The following RTN3 variants were observed in gnomAD, a reference collection of about 807,000 sequenced individuals.
RTN3 encodes reticulon-3.
In RTN3, 49 loss-of-function variants were observed where a neutral mutation model predicts 77.8. The observed-to-expected ratio is 0.63, with a 90% CI of 0.50 to 0.80. The LOEUF (loss-of-function observed/expected upper bound fraction) is 0.80, where lower values mean the gene tolerates loss of function less well. RTN3 is among the 30% of genes least tolerant of loss of function. RTN3 has a pLI of 0.00. For synonymous variants in RTN3, 464 were observed against 446.9 expected, an observed-to-expected ratio of 1.04 and a Z score of -0.48; for missense variants, 1,236 against 1,211.9, an observed-to-expected ratio of 1.02 and a Z score of -0.29.
intron 2 of RTN3, among the ~76,000 whole-genome samples, chr11:63,711,520 G>A (rs1054917057): frequency 2.0e-5 from 3 of 151,712 alleles, no homozygotes; most frequent in Non-Finnish European, 4.4e-5. Flanking sequence ...TTCCTGAGTA[G>A]CTGGAACCAC....
chr11:63,735,798 G>A (rs1216605007), intron 3 of RTN3, among the ~76,000 whole-genome samples: 4 of 152,030 alleles, frequency 2.6e-5, no homozygotes, highest in Non-Finnish European at 5.9e-5. Context: ...CCAAAGTGTT[G>A]GGATTACCAG....
intron 3 of RTN3, among the ~76,000 whole-genome samples, chr11:63,735,286 C>G (rs376748180): frequency 1.3e-5 from 2 of 151,938 alleles, no homozygotes; most frequent in Non-Finnish European, 2.9e-5. Flanking sequence ...CCACAATGCC[C>G]GACCTAGAAA....
Position 63,716,993 on chromosome 11 carries a change from A to AAG in RTN3, c.200-1708_200-1707insGA, listed in dbSNP as rs1447698691. Reference sequence around the variant, plus strand: ...CAAAAAAAAAACAAAAAAAAAAAAAAAAGAAAAGAAAGTTTAAAAATTAGC... The same window carrying AAG: ...CAAAAAAAAAACAAAAAAAAAAAAAAAGAAGAAAAGAAAGTTTAAAAATTAGC... On this transcript the variant is annotated intron_variant, in intron 2 of 8. Transcript: ENST00000377819. Among the ~76,000 whole-genome samples, 2 of 149,586 alleles carry AAG rather than the reference A, an allele frequency of 1.3e-5. 1 individual carries two copies. The highest frequency in any genetic ancestry group is 3.9e-4 in the East Asian group (2 of 5,082).
At chr11:63,688,189 G>A (rs895162756) in intron 1 of RTN3, among the ~76,000 whole-genome samples, 13 of 146,916 alleles carry the variant, frequency 8.8e-5, no homozygotes, top group African/African-American at 3.0e-4. Flanking sequence ...GACTTGGATT[G>A]TTTTTATTCT....
At chr11:63,733,380 T>A (rs2012833117) in intron 3 of RTN3, among the ~76,000 whole-genome samples, 1 of 151,924 alleles carries the variant, frequency 6.6e-6, no homozygotes, top group Admixed American at 6.6e-5. Flanking sequence ...TCCCAGCTAC[T>A]TGGGAGGCTG....
At chr11:63,696,435 C>T (rs575011407) in intron 1 of RTN3, among the ~76,000 whole-genome samples, 1 of 148,074 alleles carries the variant, frequency 6.8e-6, no homozygotes, top group Admixed American at 6.7e-5. Context: ...AAGCCAGGTG[C>T]GGTGGCTCAC....
intron 3 of RTN3, among the ~76,000 whole-genome samples, chr11:63,744,311 C>T (rs1291966689): frequency 2.0e-5 from 3 of 148,754 alleles, no homozygotes; most frequent in Admixed American, 1.3e-4. Context: ...TAAATAATTT[C>T]CTGTTTTAAA....
At chr11:63,730,718 G>T (rs1335905460) in intron 3 of RTN3, among the ~76,000 whole-genome samples, 1 of 152,264 alleles carries the variant, frequency 6.6e-6, no homozygotes, top group East Asian at 1.9e-4. Flanking sequence ...TACTCAGGAG[G>T]CTGAGGCGGA....
chr11:63,755,232 C>T (rs2014312747), intron 7 of RTN3, among the ~76,000 whole-genome samples: 1 of 152,136 alleles, frequency 6.6e-6, no homozygotes, highest in African/African-American at 2.4e-5. Flanking sequence ...ACTCCAGTGT[C>T]TCTAAAGAAA....
chr11:63,735,550 T>TTCTCTCCCTCTCTCTCTC (rs2013035551), intron 3 of RTN3, among the ~76,000 whole-genome samples: 2 of 42,686 alleles, frequency 4.7e-5, no homozygotes, highest in African/African-American at 1.8e-4. Flanking sequence ...ATTCTAACAT[T>TTCTCTCCCTCTCTCTCTC]TCTCTCTCTC....
intron 1 of RTN3, among the ~76,000 whole-genome samples, chr11:63,700,442 ATT>A (rs34221757): frequency 7.1e-6 from 1 of 141,264 alleles, no homozygotes. Flanking sequence ...CACCCAGCTA[ATT>A]TTTTTTTTTT....
chr11:63,737,783 A>AT (rs1307890646), intron 3 of RTN3, among the ~76,000 whole-genome samples: 1 of 152,194 alleles, frequency 6.6e-6, no homozygotes, highest in Non-Finnish European at 1.5e-5. Flanking sequence ...ACAAACAACT[A>AT]TTTTTTCTGA....
rs753735808 is a variant in RTN3, at chr11:63,718,941, C to G, written c.439C>G (p.Leu147Val). ...CAACGTATCAGACTCTTCAGTTTCT[C>G]TTGCAGCAGGAGTTCATTGTGACCG... is the stretch of plus-strand genomic sequence containing the variant. ...SNNVSDSSVS[L>V]AAGVHCDRPS... The change falls in exon 3 of 9, where the codon CTT becomes GTT. Residue 147 changes from leucine to valine, a missense_variant. Around this residue, in one of 3 missense-constraint regions of RTN3, gnomAD observed 1,056 missense variants for 990.4 expected, o/e 1.07. Coordinates refer to ENST00000377819, the MANE Select transcript of RTN3 (RefSeq NM_001265589.2). 1 of 1,614,206 alleles carries G rather than the reference C, an allele frequency of 6.2e-7. No individual in the cohort carries two copies. Among genetic ancestry groups the G allele is most frequent in the East Asian group, 2.2e-5 (1 of 44,874 alleles).
At chr11:63,734,781 A>ACCCCC (rs71039667) in intron 3 of RTN3, among the ~76,000 whole-genome samples, 12 of 105,000 alleles carry the variant, frequency 1.1e-4, no homozygotes, top group Non-Finnish European at 2.2e-4. Flanking sequence ...ACACACACAC[A>ACCCCC]CCATACTGGA....
chr11:63,752,572 T>C lies in RTN3; in HGVS notation c.2804T>C (p.Met935Thr), dbSNP rs1312490831. The C allele has an allele frequency of 2.5e-6, 4 of 1,613,152 alleles. No individual in the cohort carries two copies. The highest frequency in any genetic ancestry group is 3.4e-6 in the Non-Finnish European group (4 of 1,179,122). Residue 935 changes from methionine (M) to threonine (T), a missense_variant, in exon 5 of 9, where the codon ATG (methionine) becomes ACG (threonine). Physicochemically the swap from Met to Thr is moderately conservative, Grantham distance 81. Around this residue, in one of 3 missense-constraint regions of RTN3, gnomAD observed 141 missense variants for 154.9 expected, o/e 0.91. Transcript: ENST00000377819. The stretch of plus-strand genomic sequence containing the variant: ...TTCCATAATTACATGAATGCTGCCA[T>C]GGTGCACATCAACAGGGCCCTGAAA... Reference protein sequence around the residue: ...EAFHNYMNAAMVHINRALKLI... With the variant: ...EAFHNYMNAATVHINRALKLI...
rs1439919450 is a variant in RTN3 at position 63,734,539 on chromosome 11, C to T, written c.2530+13507C>T. Among the ~76,000 whole-genome samples, 4 of 151,894 alleles carry T rather than the reference C, an allele frequency of 2.6e-5. No homozygotes were observed. The South Asian group carries it at 8.3e-4, about 32-fold the overall frequency. On this transcript the variant is annotated intron_variant, in intron 3 of 8. Coordinates refer to ENST00000377819, the MANE Select transcript of RTN3 (RefSeq NM_001265589.2). Reference sequence around the variant, plus strand: ...ATCACTTGAGGTCAGGAGTTTGAGACCAGCCTGGCCAACATGGTGAAACCT... The same window carrying T: ...ATCACTTGAGGTCAGGAGTTTGAGATCAGCCTGGCCAACATGGTGAAACCT...
chr11:63,691,815 C>T (rs1941675582), intron 1 of RTN3, among the ~76,000 whole-genome samples: 4 of 152,188 alleles, frequency 2.6e-5, no homozygotes, highest in Admixed American at 2.6e-4. Flanking sequence ...TGCCGCCTAT[C>T]TGGTCTCCCT....
At position 63,759,808 on chromosome 11, in the gene RTN3, G is replaced by GT. The variant is rs1172980079; in HGVS notation, c.*1608dup. 1 of 150,434 alleles carries GT rather than the reference G, an allele frequency of 6.6e-6. No individual in the cohort carries two copies. The highest frequency in any genetic ancestry group is 1.5e-5 in the Non-Finnish European group (1 of 67,768). 9.3% of individuals were successfully genotyped at this position (150,434 alleles called of 1,614,324 possible). A position where few individuals can be genotyped will look rare whatever the true frequency, so the allele number is the denominator to read the frequency against. On this transcript the variant is annotated 3_prime_UTR_variant, in exon 9 of 9. Transcript: ENST00000377819. ...TCTGTGCGTGCAACATAAAAATACA[G>GT]TAGCACCTAAGGAGCTTGAATCTTG...
intron 1 of RTN3, among the ~76,000 whole-genome samples, chr11:63,687,331 A>G (rs558402030): frequency 6.6e-6 from 1 of 152,252 alleles, no homozygotes; most frequent in East Asian, 1.9e-4. Flanking sequence ...ATTAAACACA[A>G]TTTGGCTGGG....
Sources: gnomAD v4.1 joint callset for allele counts (sites outside exome capture counted in the v4.1 genomes callset) on GRCh38, gnomAD v4.1.1 for gene constraint, gnomAD v4.1.1 regional missense constraint, MANE v1.5 for transcripts, NCBI Gene and HGNC (gene_info 2026-07-23, HGNC 2026-07-21) for gene names.